The following HCRTR2 variants were observed in gnomAD, a reference collection of about 807,000 sequenced individuals.
HCRTR2 encodes orexin receptor type 2.
HCRTR2 carries 22 observed loss-of-function variants against 49.0 expected under a neutral mutation model. The ratio of observed to expected loss-of-function variants is 0.45; its 90% CI spans 0.32 to 0.64. HCRTR2 has a LOEUF of 0.64. Ranked by LOEUF, HCRTR2 falls within the 30% of genes least tolerant of loss-of-function variation. The pLI, the probability that HCRTR2 is intolerant of heterozygous loss-of-function variation, is 0.04. For missense variants in HCRTR2, 491 were observed against 559.4 expected, an observed-to-expected ratio of 0.88 and a Z score of 1.23; for synonymous variants, 236 against 205.3, an observed-to-expected ratio of 1.15 and a Z score of -1.28.
intron 5 of HCRTR2, among the ~76,000 whole-genome samples, chr6:55,278,434 C>G (rs1159875609): frequency 6.6e-6 from 1 of 152,150 alleles, no homozygotes; most frequent in Non-Finnish European, 1.5e-5. Context: ...ATATTATATT[C>G]CTCACAGCTG....
At chr6:55,239,536 T>A (rs1581849136) in intron 1 of HCRTR2, among the ~76,000 whole-genome samples, 2 of 152,292 alleles carry the variant, frequency 1.3e-5, no homozygotes, top group East Asian at 3.9e-4. Context: ...TAAATCCCTT[T>A]CAAGACAAAT....
At chr6:55,137,383 T>G (rs2127250980) in intron 1 of HCRTR2, among the ~76,000 whole-genome samples, 1 of 152,308 alleles carries the variant, frequency 6.6e-6, no homozygotes, top group Middle Eastern at 3.4e-3. Context: ...ATTTAGGGAC[T>G]GGTCTTTTAG....
At chr6:55,125,704 G>A (rs1764265175) in intron 1 of HCRTR2, among the ~76,000 whole-genome samples, 1 of 152,142 alleles carries the variant, frequency 6.6e-6, no homozygotes, top group African/African-American at 2.4e-5. Context: ...ATCCTGAAGA[G>A]TGTTTTCCAA....
At chr6:55,176,684 AT>A (rs1765045885) in intron 1 of HCRTR2, among the ~76,000 whole-genome samples, 1 of 152,148 alleles carries the variant, frequency 6.6e-6, no homozygotes, top group Admixed American at 6.6e-5. Flanking sequence ...ATTCAGTTCC[AT>A]TTTTTCTGAC....
chr6:55,149,892 T>C (rs1561987549), intron 1 of HCRTR2, among the ~76,000 whole-genome samples: 1 of 152,164 alleles, frequency 6.6e-6, no homozygotes, highest in Non-Finnish European at 1.5e-5. Context: ...TAAAGCTAAA[T>C]CACTTTAATG....
rs1039155166 is a variant in HCRTR2 at position 55,202,505 on chromosome 6, C to G, written c.223+27695C>G. ...CATAGACTAGGTGGCTGATGAACAA[C>G]AGAAATTTGTTTCCAACTGTTTTGG... On this transcript the variant is annotated intron_variant, in intron 1 of 6. Coordinates refer to ENST00000370862, the MANE Select transcript of HCRTR2 (RefSeq NM_001384272.1). Among the ~76,000 whole-genome samples, 3 of 152,150 alleles carry G rather than the reference C, an allele frequency of 2.0e-5. No homozygotes were observed. The East Asian group carries it at 5.8e-4, about 29-fold the overall frequency.
At chr6:55,110,147 T>A (rs1290303927) in intron 1 of HCRTR2, among the ~76,000 whole-genome samples, 1 of 152,076 alleles carries the variant, frequency 6.6e-6, no homozygotes, top group Non-Finnish European at 1.5e-5. Context: ...AAAGATAGTC[T>A]TTTCCAGACT....
At chr6:55,185,669 T>C (rs1765205735) in intron 1 of HCRTR2, among the ~76,000 whole-genome samples, 1 of 138,230 alleles carries the variant, frequency 7.2e-6, no homozygotes, top group African/African-American at 2.4e-5. Flanking sequence ...GTTTCCCAAA[T>C]TCAGGACATA....
intron 1 of HCRTR2, among the ~76,000 whole-genome samples, chr6:55,149,088 G>A (rs568674227): frequency 1.3e-3 from 192 of 152,060 alleles, no homozygotes; most frequent in African/African-American, 4.4e-3. Flanking sequence ...CATAGCCAGA[G>A]AACCTTATAA....
At position 55,149,206 on chromosome 6, in the gene HCRTR2, C is replaced by T. The variant is rs77894307; in HGVS notation, c.-377-25005C>T. 6.9e-3 allele frequency among the ~76,000 whole-genome samples: 1,042 copies of T among 152,086 alleles called. 10 individuals carry two copies. The highest frequency in any genetic ancestry group is 0.023 in the African/African-American group (976 of 41,536). ...TTTTATTTTTTTTCTCAACCAAATACAGTTTTGTTTTGTGGAAAAAATTAC... is the reference window on the plus strand; with the variant it reads ...TTTTATTTTTTTTCTCAACCAAATATAGTTTTGTTTTGTGGAAAAAATTAC... On this transcript the variant is annotated intron_variant, in intron 1 of 7. Coordinates refer to the HCRTR2 transcript ENST00000615358.
chr6:55,255,144 G>C lies in HCRTR2; in HGVS notation c.411G>C (p.Ser137=), dbSNP rs201231914. 391 of 1,613,534 alleles carry C rather than the reference G, an allele frequency of 2.4e-4. 2 individuals are homozygous for C. Among genetic ancestry groups the C allele is most frequent in the Non-Finnish European group, 3.1e-4 (362 of 1,179,818 alleles). Residue 137 remains serine (S), a synonymous_variant, in exon 3 of 7, where the codon TCG becomes TCC. Coordinates refer to ENST00000370862, the MANE Select transcript of HCRTR2 (RefSeq NM_001384272.1). The stretch of plus-strand genomic sequence containing the variant: ...ATCTTTCTTTTCTCTAGACCGTGTC[G>C]GTGTCTGTGTCTGTCCTCACACTGA... ...CKVIPYLQTV[S]VSVSVLTLSC...
chr6:55,217,765 A>T (rs1469839106), intron 1 of HCRTR2, among the ~76,000 whole-genome samples: 2 of 152,110 alleles, frequency 1.3e-5, no homozygotes, highest in Admixed American at 6.6e-5. Context: ...AGCACCCTTA[A>T]CACTCTATTT....
At chr6:55,152,774 G>A (rs929697383) in intron 1 of HCRTR2, among the ~76,000 whole-genome samples, 8 of 151,856 alleles carry the variant, frequency 5.3e-5, no homozygotes, top group African/African-American at 9.7e-5. Context: ...ATCATCACAC[G>A]GGCAATTAGC....
intron 1 of HCRTR2, among the ~76,000 whole-genome samples, chr6:55,177,157 C>T (rs896790526): frequency 8.5e-5 from 13 of 152,158 alleles, no homozygotes; most frequent in African/African-American, 3.1e-4. Flanking sequence ...ATAGCACTGT[C>T]CACAGCCCCA....
intron 1 of HCRTR2, among the ~76,000 whole-genome samples, chr6:55,229,206 T>C (rs1299799564): frequency 2.0e-5 from 3 of 152,210 alleles, no homozygotes; most frequent in Non-Finnish European, 2.9e-5. Flanking sequence ...AAAAATTTTT[T>C]GTTTTTGAGA....
chr6:55,231,745 C>A (rs527240354), intron 1 of HCRTR2, among the ~76,000 whole-genome samples: 169 of 152,210 alleles, frequency 1.1e-3, no homozygotes, highest in Non-Finnish European at 1.5e-3. Flanking sequence ...TAAAGACTAG[C>A]GAATATGAGC....
At chr6:55,155,262 T>C (rs1286386897) in intron 1 of HCRTR2, among the ~76,000 whole-genome samples, 7 of 151,900 alleles carry the variant, frequency 4.6e-5, no homozygotes, top group Non-Finnish European at 1.0e-4. Context: ...AACCTATGAT[T>C]TCAATTTGGT....
intron 4 of HCRTR2, 55 bp downstream of exon 4, chr6:55,263,877 T>C (rs770665757): frequency 9.5e-7 from 1 of 1,047,468 alleles, no homozygotes; most frequent in Non-Finnish European, 1.5e-6. Context: ...AATTTGTTAT[T>C]TGTTATTCCT....
At chr6:55,163,061 C>T (rs943580759) in intron 1 of HCRTR2, among the ~76,000 whole-genome samples, 17 of 151,978 alleles carry the variant, frequency 1.1e-4, no homozygotes, top group African/African-American at 4.1e-4. Context: ...ATGGTGAAAC[C>T]CCGTCTCTAC....
Sources: gnomAD v4.1 joint callset for allele counts (sites outside exome capture counted in the v4.1 genomes callset) on GRCh38, gnomAD v4.1.1 for gene constraint, MANE v1.5 for transcripts, NCBI Gene and HGNC (gene_info 2026-07-23, HGNC 2026-07-21) for gene names.